The following ROBO2 variants were observed in gnomAD, a reference collection of about 807,000 sequenced individuals.
The protein encoded by ROBO2 is roundabout homolog 2.
ROBO2 carries 53 observed loss-of-function variants against 160.8 expected under a neutral mutation model. That is an observed-to-expected ratio of 0.33 (90% CI 0.26 to 0.41). The LOEUF (loss-of-function observed/expected upper bound fraction) is 0.41, where lower values mean the gene tolerates loss of function less well. ROBO2 is among the 10% of genes least tolerant of loss of function. The pLI is 1.00. For synonymous variants in ROBO2, 664 were observed against 611.7 expected (o/e 1.09, Z -1.26); for missense variants, 1,577 against 1,722.4 (o/e 0.92, Z 1.49).
chr3:76,192,924 A>G (rs369441826), intron 2 of ROBO2, among the ~76,000 whole-genome samples: 1 of 152,112 alleles, frequency 6.6e-6, no homozygotes, highest in South Asian at 2.1e-4. Context: ...GCCCAGCTTC[A>G]TTCTCTACCA....
At chr3:76,437,300 C>T (rs140886437) in intron 2 of ROBO2, among the ~76,000 whole-genome samples, 71 of 152,240 alleles carry the variant, frequency 4.7e-4, no homozygotes, top group Admixed American at 1.5e-3. Context: ...AGATATTAGG[C>T]AGTATACTGC....
chr3:77,532,348 C>A (rs940879022), intron 6 of ROBO2, among the ~76,000 whole-genome samples: 6 of 151,892 alleles, frequency 4.0e-5, no homozygotes, highest in Non-Finnish European at 8.8e-5. Context: ...TATGAATATG[C>A]ATGTAGTCCT....
chr3:77,067,808 G>A (rs954649451), intron 1 of ROBO2, among the ~76,000 whole-genome samples: 9 of 152,226 alleles, frequency 5.9e-5, no homozygotes, highest in East Asian at 1.9e-4. Flanking sequence ...AGAGGAATGC[G>A]CCCTATATGT....
At chr3:76,997,219 C>T (rs1434905118) in intron 2 of ROBO2, among the ~76,000 whole-genome samples, 1 of 152,118 alleles carries the variant, frequency 6.6e-6, no homozygotes. Flanking sequence ...ATATTGCTCA[C>T]TTTAATCAAT....
At chr3:76,582,419 G>C (rs1192844845) in intron 2 of ROBO2, among the ~76,000 whole-genome samples, 1 of 152,068 alleles carries the variant, frequency 6.6e-6, no homozygotes, top group Non-Finnish European at 1.5e-5. Flanking sequence ...TTCTCTTTGT[G>C]AAACAGAAAA....
At chr3:77,434,055 A>G (rs748243254) in intron 2 of ROBO2, among the ~76,000 whole-genome samples, 1 of 152,080 alleles carries the variant, frequency 6.6e-6, no homozygotes, top group Non-Finnish European at 1.5e-5. Context: ...TTGCTCTTCT[A>G]TTTGAAACTT....
chr3:76,559,022 T>A lies in ROBO2; in HGVS notation c.110-538992T>A, dbSNP rs555864250. On this transcript the variant is annotated intron_variant, in intron 2 of 26. Transcript: ENST00000487694. ...TAAAGACCACATATCCAGGGTAACATCCAGAATCCTCATTTCTACACACAG... is the reference window on the plus strand; with the variant it reads ...TAAAGACCACATATCCAGGGTAACAACCAGAATCCTCATTTCTACACACAG... Among the ~76,000 whole-genome samples the A allele has an allele frequency of 1.6e-4, 25 of 152,188 alleles. No homozygotes were observed. In the South Asian group the frequency reaches 5.2e-3, roughly 32 times the overall value.
chr3:76,020,811 AG>A (rs1463976319), intron 2 of ROBO2, among the ~76,000 whole-genome samples: 1 of 151,844 alleles, frequency 6.6e-6, no homozygotes, highest in Admixed American at 6.6e-5. Flanking sequence ...TGTCGTCAAA[AG>A]TTTGTTAAAG....
intron 2 of ROBO2, among the ~76,000 whole-genome samples, chr3:76,766,797 A>G (rs908382606): frequency 9.2e-5 from 14 of 151,516 alleles, no homozygotes; most frequent in Admixed American, 1.3e-4. Context: ...ATCACTGTTA[A>G]TATTTGCCAT....
chr3:76,087,313 A>G (rs1430507376), intron 2 of ROBO2, among the ~76,000 whole-genome samples: 1 of 152,104 alleles, frequency 6.6e-6, no homozygotes, highest in Non-Finnish European at 1.5e-5. Flanking sequence ...GAAAAATATT[A>G]TATCTGACTT....
chr3:76,846,224 T>TC (rs1195941794), intron 2 of ROBO2, among the ~76,000 whole-genome samples: 6 of 152,290 alleles, frequency 3.9e-5, no homozygotes, highest in African/African-American at 1.4e-4. Flanking sequence ...GGATATATAT[T>TC]CCTTGTTAGT....
chr3:76,805,043 C>G (rs1292362776), intron 2 of ROBO2, among the ~76,000 whole-genome samples: 1 of 152,028 alleles, frequency 6.6e-6, no homozygotes, highest in Admixed American at 6.6e-5. Flanking sequence ...GCATTTTGAG[C>G]GTCAGAAATG....
chr3:77,498,410 G>A (rs2087083891), intron 5 of ROBO2, among the ~76,000 whole-genome samples: 1 of 152,144 alleles, frequency 6.6e-6, no homozygotes, highest in African/African-American at 2.4e-5. Context: ...AAATAGAAAA[G>A]GGAGTAGAGA....
At chr3:77,129,051 CTATT>C (rs924320408) in intron 2 of ROBO2, among the ~76,000 whole-genome samples, 2 of 151,926 alleles carry the variant, frequency 1.3e-5, no homozygotes, top group African/African-American at 4.8e-5. Context: ...TGTGAATTGC[CTATT>C]TATGTTTAAG....
At chr3:76,871,382 G>C (rs1484352787) in intron 2 of ROBO2, among the ~76,000 whole-genome samples, 1 of 151,012 alleles carries the variant, frequency 6.6e-6, no homozygotes, top group East Asian at 2.0e-4. Context: ...GTGAAACCCC[G>C]TCTCTACTAA....
intron 2 of ROBO2, among the ~76,000 whole-genome samples, chr3:77,170,338 A>G (rs948548189): frequency 7.9e-5 from 12 of 152,200 alleles, no homozygotes; most frequent in African/African-American, 2.7e-4. Context: ...GAACATACAT[A>G]TGTGTTTAAC....
At chr3:76,726,095 A>G (rs2093548511) in intron 2 of ROBO2, among the ~76,000 whole-genome samples, 1 of 152,174 alleles carries the variant, frequency 6.6e-6, no homozygotes, top group South Asian at 2.1e-4. Context: ...GTTTTTTCTT[A>G]GTTAATTAAA....
At chr3:77,471,494 G>C (rs1360879893) in intron 2 of ROBO2, among the ~76,000 whole-genome samples, 3 of 152,188 alleles carry the variant, frequency 2.0e-5, no homozygotes, top group Non-Finnish European at 2.9e-5. Context: ...CTGTTGGCTG[G>C]AAGCTGACTT....
At chr3:76,087,802 C>T (rs1309226255) in intron 2 of ROBO2, among the ~76,000 whole-genome samples, 1 of 151,880 alleles carries the variant, frequency 6.6e-6, no homozygotes, top group African/African-American at 2.4e-5. Flanking sequence ...TCACACACTA[C>T]CCATGAGGCA....
Sources: allele counts gnomAD v4.1 joint callset (sites outside exome capture counted in the v4.1 genomes callset), GRCh38; gene constraint gnomAD v4.1.1; transcripts MANE v1.5; gene names NCBI Gene and HGNC (gene_info 2026-07-23, HGNC 2026-07-21).